The following HMX2 variants were observed in gnomAD, a reference collection of about 807,000 sequenced individuals.
HMX2 encodes the protein H6 family homeobox 2, also known as homeobox protein HMX2.
Under a neutral mutation model 21.2 loss-of-function variants are expected in HMX2, and 15 were observed. The observed-to-expected ratio is 0.71, with a 90% confidence interval of 0.47 to 1.09. The LOEUF is 1.09. Ranked by LOEUF, HMX2 falls within the 50% of genes least tolerant of loss-of-function variation. The pLI is 0.00. For missense variants in HMX2, 440 were observed against 381.5 expected, an observed-to-expected ratio of 1.15 and a Z score of -1.28; for synonymous variants, 193 against 181.0, an observed-to-expected ratio of 1.07 and a Z score of -0.53.
Position 123,149,883 on chromosome 10 carries a change from G to A in HMX2, c.582G>A (p.Lys194=). Residue 194 remains lysine (K), a synonymous_variant, in exon 2 of 2, where the codon AAG becomes AAA. Coordinates refer to ENST00000339992, the MANE Select transcript of HMX2 (RefSeq NM_005519.2). The surrounding 1 kb of genome is among the most constrained non-coding windows in gnomAD (Gnocchi z 5.4). ...TGCAGCTCACGGAGACCCAGGTAAAGACTTGGTTCCAGAACCGCCGCAACA... is the reference window on the plus strand; with the variant it reads ...TGCAGCTCACGGAGACCCAGGTAAAAACTTGGTTCCAGAACCGCCGCAACA... ...SSLQLTETQV[K]TWFQNRRNKW... 1 of 1,612,756 alleles carries A rather than the reference G, an allele frequency of 6.2e-7. No homozygotes were observed. The highest frequency in any genetic ancestry group is 1.1e-5 in the South Asian group (1 of 91,076).
Position 123,148,787 on chromosome 10 carries a change from C to G in HMX2, c.268+141C>G, listed in dbSNP as rs911077352. On this transcript the variant is annotated intron_variant, in intron 1 of 1. Coordinates refer to ENST00000339992, the MANE Select transcript of HMX2 (RefSeq NM_005519.2). ...GTTCGGGACCGCGGGGAGAGGGGCG[C>G]GCACTGTGGTGCCTCCTCCGCCCGG... 9 of 1,073,334 alleles carry G rather than the reference C, an allele frequency of 8.4e-6. No homozygotes were observed. In the African/African-American group the frequency reaches 1.5e-4, roughly 18 times the overall value. The allele number at this position is 1,073,334 out of a possible 1,614,324, so 66.5% of individuals were successfully genotyped here. A position where few individuals can be genotyped will look rare whatever the true frequency, so the allele number is the denominator to read the frequency against.
At position 123,149,315 on chromosome 10, in the gene HMX2, C is replaced by T. The variant is rs184333533; in HGVS notation, c.269-255C>T. On this transcript the variant is annotated intron_variant, in intron 1 of 1. Coordinates refer to ENST00000339992, the MANE Select transcript of HMX2 (RefSeq NM_005519.2). This position sits in a 1 kb window ranked among gnomAD's most constrained non-coding sequence, Gnocchi z 5.4. ...TGTTTCCCCCTCCAGACCTCCTCTC[C>T]CTGTTGCCCCTGGCCCATTCATAAA... is the stretch of plus-strand genomic sequence containing the variant. Among the ~76,000 whole-genome samples, 164 of 152,336 alleles carry T rather than the reference C, an allele frequency of 1.1e-3. No individual in the cohort carries two copies. Among genetic ancestry groups the T allele is most frequent in the Middle Eastern group, 3.4e-3 (1 of 294 alleles).
chr10:123,148,331 G>A lies in HMX2; in HGVS notation c.-48G>A. On this transcript the variant is annotated 5_prime_UTR_variant, in exon 1 of 2. Transcript: ENST00000339992. ...ACCTTCCACCCAGATCACCCAGATC[G>A]TCTCTAAAGGGAGTTCTTGGTTTCC... 2.5e-6 allele frequency: 4 copies of A among 1,603,818 alleles called. No individual in the cohort carries two copies. Among genetic ancestry groups the A allele is most frequent in the South Asian group, 1.1e-5 (1 of 90,068 alleles).
rs952547618 is a variant in HMX2, at chr10:123,148,144, A to C, written c.-235A>C. On this transcript the variant is annotated 5_prime_UTR_variant, in exon 1 of 2. Transcript: ENST00000339992. The stretch of plus-strand genomic sequence containing the variant: ...TGGCGGGCGAGGAAGGGGCATTTGC[A>C]CCGGGGCTGGGCGGGCGCACCCAGA... 1 of 547,784 alleles carries C rather than the reference A, an allele frequency of 1.8e-6. No homozygotes were observed. The highest frequency in any genetic ancestry group is 3.2e-6 in the Non-Finnish European group (1 of 317,314). 33.9% of individuals were successfully genotyped at this position (547,784 alleles called of 1,614,324 possible).
chr10:123,148,450 C>T lies in HMX2; in HGVS notation c.72C>T (p.Ser24=), dbSNP rs781777339. 6.2e-7 allele frequency: 1 copy of T among 1,613,212 alleles called. No individual in the cohort carries two copies. Among genetic ancestry groups the T allele is most frequent in the East Asian group, 2.2e-5 (1 of 44,844 alleles). The part of the protein sequence containing the change: ...AGGVSSFTIQ[S]ILGGGPSEAP... ...GCGTCTCCAGCTTCACCATCCAGTC[C>T]ATCCTGGGCGGGGGCCCCTCGGAGG... Residue 24 remains serine (S), a synonymous_variant, in exon 1 of 2, where the codon TCC becomes TCT. Transcript: ENST00000339992.
rs746098887 is a variant in HMX2, at chr10:123,149,961, G to T, written c.660G>T (p.Ala220=). Residue 220 remains alanine, a synonymous_variant, in exon 2 of 2, where the codon GCG becomes GCT. Coordinates refer to ENST00000339992, the MANE Select transcript of HMX2 (RefSeq NM_005519.2). The surrounding 1 kb of genome is among the most constrained non-coding windows in gnomAD (Gnocchi z 5.4). ...TGGAGGCGGCCAACATGGCGCACGC[G>T]TCGGCGCAGACTCTGGTGAGCATGC... ...AELEAANMAH[A]SAQTLVSMPL... is the part of the protein sequence containing the mutation. The T allele has an allele frequency of 5.0e-6, 8 of 1,611,802 alleles. 1 individual carries two copies. The South Asian group carries it at 8.8e-5, about 18-fold the overall frequency.
In HMX2 at chr10:123,149,468, A is replaced by G; in HGVS notation, c.269-102A>G. On this transcript the variant is annotated intron_variant, in intron 1 of 1. Coordinates refer to ENST00000339992, the MANE Select transcript of HMX2 (RefSeq NM_005519.2). The surrounding 1 kb of genome is among the most constrained non-coding windows in gnomAD (Gnocchi z 5.4). ...GGAGGGGATTGGTAAGGTGGGACCA[A>G]GGCTGCAGGCGCTTGCCAACCGCTT... is the stretch of plus-strand genomic sequence containing the variant. 1 of 974,046 alleles carries G rather than the reference A, an allele frequency of 1.0e-6. No individual in the cohort carries two copies. Among genetic ancestry groups the G allele is most frequent in the Non-Finnish European group, 1.4e-6 (1 of 699,126 alleles). 60.3% of individuals were successfully genotyped at this position (974,046 alleles called of 1,614,324 possible).
chr10:123,150,315 C>A lies in HMX2; in HGVS notation c.*192C>A. The A allele has an allele frequency of 1.9e-6, 1 of 516,932 alleles. No individual in the cohort carries two copies. Among genetic ancestry groups the A allele is most frequent in the Non-Finnish European group, 3.3e-6 (1 of 304,164 alleles). The allele number at this position is 516,932 out of a possible 1,614,324, so 32.0% of individuals were successfully genotyped here. ...TTGTTTCGGGTATTTATTGGCATTCCCTAAGTCAGAGAGCCTGCTTCCTAC... is the reference window on the plus strand; with the variant it reads ...TTGTTTCGGGTATTTATTGGCATTCACTAAGTCAGAGAGCCTGCTTCCTAC... On this transcript the variant is annotated 3_prime_UTR_variant, in exon 2 of 2. Coordinates refer to ENST00000339992, the MANE Select transcript of HMX2 (RefSeq NM_005519.2). The surrounding 1 kb of genome is among the most constrained non-coding windows in gnomAD (Gnocchi z 4.2).
At position 123,149,903 on chromosome 10, in the gene HMX2, G is replaced by T; in HGVS notation, c.602G>T (p.Arg201Leu). The T allele has an allele frequency of 6.2e-7, 1 of 1,612,824 alleles. No individual in the cohort carries two copies. Among genetic ancestry groups the T allele is most frequent in the Non-Finnish European group, 8.5e-7 (1 of 1,179,850 alleles). ...GTAAAGACTTGGTTCCAGAACCGCC[G>T]CAACAAGTGGAAGCGGCAGCTCTCG... is the stretch of plus-strand genomic sequence containing the variant. ...TQVKTWFQNR[R>L]NKWKRQLSAE... Residue 201 changes from arginine to leucine, a missense_variant, in exon 2 of 2, where the codon CGC becomes CTC. By Grantham distance (102) the Arg-to-Leu change is moderately radical. Coordinates refer to ENST00000339992, the MANE Select transcript of HMX2 (RefSeq NM_005519.2). The surrounding 1 kb of genome is among the most constrained non-coding windows in gnomAD (Gnocchi z 5.4).
Position 123,148,280 on chromosome 10 carries a change from C to T in HMX2, c.-99C>T. On this transcript the variant is annotated 5_prime_UTR_variant, in exon 1 of 2. Coordinates refer to ENST00000339992, the MANE Select transcript of HMX2 (RefSeq NM_005519.2). ...CCTCCCCCTAGATTTCCTCCCCGCCCCTCCCCACTGCCTGCCTGCTGCACC... is the reference window on the plus strand; with the variant it reads ...CCTCCCCCTAGATTTCCTCCCCGCCTCTCCCCACTGCCTGCCTGCTGCACC... 7.6e-7 allele frequency: 1 copy of T among 1,318,134 alleles called. No individual in the cohort carries two copies. Among genetic ancestry groups the T allele is most frequent in the Non-Finnish European group, 1.1e-6 (1 of 935,770 alleles). 81.7% of individuals were successfully genotyped at this position (1,318,134 alleles called of 1,614,324 possible).
rs879085807 is a variant in HMX2 at position 123,149,082 on chromosome 10, T to G, written c.268+436T>G. 2.6e-5 allele frequency among the ~76,000 whole-genome samples: 4 copies of G among 152,204 alleles called. No individual in the cohort carries two copies. The highest frequency in any genetic ancestry group is 5.9e-5 in the Non-Finnish European group (4 of 68,020). On this transcript the variant is annotated intron_variant, in intron 1 of 1. Transcript: ENST00000339992. The surrounding 1 kb of genome is among the most constrained non-coding windows in gnomAD (Gnocchi z 5.4). ...CTCTGCCTTTCTCTCTCTCTCCTCC[T>G]TGGAATGATTAGCACTCCAAGATGA...
Position 123,149,346 on chromosome 10 carries a change from G to A in HMX2, c.269-224G>A, listed in dbSNP as rs1844241435. On this transcript the variant is annotated intron_variant, in intron 1 of 1. Transcript: ENST00000339992. The surrounding 1 kb of genome is among the most constrained non-coding windows in gnomAD (Gnocchi z 5.4). ...GCCCCTGGCCCATTCATAAAGGTGG[G>A]AGCACAGAGACCCCATACTCCAAGT... Among the ~76,000 whole-genome samples the A allele has an allele frequency of 6.6e-6, 1 of 152,174 alleles. No homozygotes were observed. The highest frequency in any genetic ancestry group is 6.5e-5 in the Admixed American group (1 of 15,282).
At position 123,148,460 on chromosome 10, in the gene HMX2, G is replaced by A. The variant is rs780400976; in HGVS notation, c.82G>A (p.Gly28Arg). ...CTTCACCATCCAGTCCATCCTGGGCGGGGGCCCCTCGGAGGCACCGCGGGA... is the reference window on the plus strand; with the variant it reads ...CTTCACCATCCAGTCCATCCTGGGCAGGGGCCCCTCGGAGGCACCGCGGGA... ...SSFTIQSILG[G>R]GPSEAPREPV... Residue 28 changes from glycine to arginine, a missense_variant, in exon 1 of 2, where the codon GGG becomes AGG. Coordinates refer to ENST00000339992, the MANE Select transcript of HMX2 (RefSeq NM_005519.2). 2 of 1,612,990 alleles carry A rather than the reference G, an allele frequency of 1.2e-6. No individual in the cohort carries two copies. The highest frequency in any genetic ancestry group is 1.7e-6 in the Non-Finnish European group (2 of 1,179,484).
Position 123,149,604 on chromosome 10 carries a change from C to A in HMX2, c.303C>A (p.Gly101=), listed in dbSNP as rs746572787. The A allele has an allele frequency of 3.4e-6, 5 of 1,466,910 alleles. No individual in the cohort carries two copies. Among genetic ancestry groups the A allele is most frequent in the African/African-American group, 3.0e-5 (2 of 67,262 alleles). The allele number at this position is 1,466,910 out of a possible 1,614,324, so 90.9% of individuals were successfully genotyped here. A position where few individuals can be genotyped will look rare whatever the true frequency, so the allele number is the denominator to read the frequency against. The part of the protein sequence containing the change: ...TPKGSGGSGP[G]GLERTPFLSP... ...AGGGCAGCGGAGGCTCGGGCCCGGG[C>A]GGCTTGGAGCGCACGCCTTTCCTCT... Residue 101 remains glycine (G), a synonymous_variant, in exon 2 of 2, where the codon GGC becomes GGA. Transcript: ENST00000339992. This position sits in a 1 kb window ranked among gnomAD's most constrained non-coding sequence, Gnocchi z 5.4.
At position 123,149,847 on chromosome 10, in the gene HMX2, C is replaced by G; in HGVS notation, c.546C>G (p.Leu182=). Residue 182 remains leucine (L), a synonymous_variant, in exon 2 of 2, where the codon CTC becomes CTG. Coordinates refer to ENST00000339992, the MANE Select transcript of HMX2 (RefSeq NM_005519.2). The surrounding 1 kb of genome is among the most constrained non-coding windows in gnomAD (Gnocchi z 5.4). Reference sequence around the variant, plus strand: ...TGAGCAGCTCGGAGCGCGCCTGCCTCGCCTCCAGCCTGCAGCTCACGGAGA... The same window carrying G: ...TGAGCAGCTCGGAGCGCGCCTGCCTGGCCTCCAGCCTGCAGCTCACGGAGA... ...RYLSSSERAC[L]ASSLQLTETQ... The G allele has an allele frequency of 1.2e-6, 2 of 1,612,834 alleles. No individual in the cohort carries two copies. The highest frequency in any genetic ancestry group is 1.7e-6 in the Non-Finnish European group (2 of 1,179,884).
Position 123,149,704 on chromosome 10 carries a change from C to A in HMX2, c.403C>A (p.Arg135=), listed in dbSNP as rs1191767377. ...GGGCTCGCCCTCGCCGGGGTCCGAG[C>A]GGCCGCGGGACGGCGGCGCTGAGCG... ...PAGSPSPGSE[R]PRDGGAERQA... Residue 135 remains arginine, a synonymous_variant, in exon 2 of 2, where the codon CGG becomes AGG. Transcript: ENST00000339992. This position sits in a 1 kb window ranked among gnomAD's most constrained non-coding sequence, Gnocchi z 5.4. 6 of 1,563,740 alleles carry A rather than the reference C, an allele frequency of 3.8e-6. 1 individual carries two copies. The South Asian group carries it at 4.7e-5, about 12-fold the overall frequency.
In HMX2 at chr10:123,149,698, T is replaced by C; in HGVS notation, c.397T>C (p.Ser133Pro). The part of the protein sequence containing the change: ...LLPAGSPSPG[S>P]ERPRDGGAER... ...GCCCGCGGGCTCGCCCTCGCCGGGGTCCGAGCGGCCGCGGGACGGCGGCGC... is the reference window on the plus strand; with the variant it reads ...GCCCGCGGGCTCGCCCTCGCCGGGGCCCGAGCGGCCGCGGGACGGCGGCGC... The change falls in exon 2 of 2, where the codon TCC (serine) becomes CCC (proline). Residue 133 changes from serine (S) to proline (P), a missense_variant. Coordinates refer to ENST00000339992, the MANE Select transcript of HMX2 (RefSeq NM_005519.2). This position sits in a 1 kb window ranked among gnomAD's most constrained non-coding sequence, Gnocchi z 5.4. 2 of 1,565,206 alleles carry C rather than the reference T, an allele frequency of 1.3e-6. No homozygotes were observed. The highest frequency in any genetic ancestry group is 2.4e-5 in the East Asian group (1 of 41,462).
In HMX2 at chr10:123,149,611, G is replaced by A. The variant is rs138567035; in HGVS notation, c.310G>A (p.Glu104Lys). The change falls in exon 2 of 2, where the codon GAG (glutamate) becomes AAG (lysine). Residue 104 changes from glutamate (E) to lysine (K), a missense_variant. Coordinates refer to ENST00000339992, the MANE Select transcript of HMX2 (RefSeq NM_005519.2). This position sits in a 1 kb window ranked among gnomAD's most constrained non-coding sequence, Gnocchi z 5.4. ...GSGGSGPGGL[E>K]RTPFLSPSHS... ...CGGAGGCTCGGGCCCGGGCGGCTTG[G>A]AGCGCACGCCTTTCCTCTCTCCTTC... 1.2e-4 allele frequency: 174 copies of A among 1,474,576 alleles called. No individual in the cohort carries two copies. The African/African-American group carries it at 2.3e-3, about 20-fold the overall frequency. The allele number at this position is 1,474,576 out of a possible 1,614,324, so 91.3% of individuals were successfully genotyped here.
In HMX2 at chr10:123,149,919, G is replaced by T. The variant is rs767347412; in HGVS notation, c.618G>T (p.Arg206=). The T allele has an allele frequency of 1.9e-6, 3 of 1,612,450 alleles. No individual in the cohort carries two copies. The Admixed American group carries it at 5.0e-5, about 27-fold the overall frequency. Reference sequence around the variant, plus strand: ...AGAACCGCCGCAACAAGTGGAAGCGGCAGCTCTCGGCTGAGCTGGAGGCGG... The same window carrying T: ...AGAACCGCCGCAACAAGTGGAAGCGTCAGCTCTCGGCTGAGCTGGAGGCGG... ...WFQNRRNKWK[R]QLSAELEAAN... The change falls in exon 2 of 2, where the codon CGG becomes CGT. Residue 206 remains arginine, a synonymous_variant. Transcript: ENST00000339992. The surrounding 1 kb of genome is among the most constrained non-coding windows in gnomAD (Gnocchi z 5.4).
Sources: allele counts gnomAD v4.1 joint callset (sites outside exome capture counted in the v4.1 genomes callset), GRCh38; gene constraint gnomAD v4.1.1; non-coding constraint Gnocchi (gnomAD v3.1); transcripts MANE v1.5; gene names NCBI Gene and HGNC (gene_info 2026-07-23, HGNC 2026-07-21).